The following MARK3 variants were observed in gnomAD, a reference collection of about 807,000 sequenced individuals.
MARK3 encodes microtubule affinity regulating kinase 3, also known as MAP/microtubule affinity-regulating kinase 3.
A neutral mutation model predicts 90.1 loss-of-function variants in MARK3; 46 were observed. The ratio of observed to expected loss-of-function variants is 0.51; its 90% CI spans 0.40 to 0.65. The LOEUF is 0.65. Ranked by LOEUF, MARK3 falls within the 30% of genes least tolerant of loss-of-function variation. MARK3 has a pLI of 0.00. For missense variants in MARK3, 818 were observed against 947.2 expected (o/e 0.86, Z 1.79); for synonymous variants, 321 against 332.6 (o/e 0.97, Z 0.38).
chr14:103,454,819 C>T (rs965848526), intron 5 of MARK3, among the ~76,000 whole-genome samples: 4 of 152,194 alleles, frequency 2.6e-5, no homozygotes, highest in Non-Finnish European at 5.9e-5. Flanking sequence ...GGGTCCATAG[C>T]TAGTTAGTTT....
intron 2 of MARK3, among the ~76,000 whole-genome samples, chr14:103,425,406 G>A (rs2092369362): frequency 6.6e-6 from 1 of 151,352 alleles, no homozygotes; most frequent in Admixed American, 6.6e-5. Flanking sequence ...GGGATTATAG[G>A]CATCCGCCAC....
At position 103,388,275 on chromosome 14, in the gene MARK3, A is replaced by G. The variant is rs555237056; in HGVS notation, c.51+2195A>G. Among the ~76,000 whole-genome samples, 39 of 152,358 alleles carry G rather than the reference A, an allele frequency of 2.6e-4. 1 individual carries two copies. The highest frequency in any genetic ancestry group is 9.4e-4 in the African/African-American group (39 of 41,592). On this transcript the variant is annotated intron_variant, in intron 1 of 17. Transcript: ENST00000429436. ...AATTTTTGACTTTTTTTAAAAATCA[A>G]GTTTATCACACATCGTTGCATTAAT...
chr14:103,412,402 G>A, intron 2 of MARK3: 1 of 594,008 alleles, frequency 1.7e-6, no homozygotes, highest in East Asian at 3.1e-5. Context: ...CTATGCCGAG[G>A]ATTCGTGGGA....
Position 103,450,783 on chromosome 14 carries a change from G to C in MARK3, c.347-1135G>C, listed in dbSNP as rs140009811. Among the ~76,000 whole-genome samples the C allele has an allele frequency of 2.7e-3, 412 of 151,818 alleles. 2 individuals carry two copies. Among genetic ancestry groups the C allele is most frequent in the African/African-American group, 9.5e-3 (394 of 41,388 alleles). On this transcript the variant is annotated intron_variant, in intron 4 of 17. Coordinates refer to ENST00000429436, the MANE Select transcript of MARK3 (RefSeq NM_001128918.3). ...AAACACTAGCATACCCCCCAGTTTT[G>C]GGTAAACTTAAAGTAAATATTAACA...
intron 12 of MARK3, among the ~76,000 whole-genome samples, chr14:103,473,194 AAG>A (rs942737924): frequency 3.9e-5 from 6 of 152,188 alleles, no homozygotes; most frequent in African/African-American, 1.2e-4. Flanking sequence ...AAGGGAGAGT[AAG>A]AGGGAAGTGG....
intron 4 of MARK3, among the ~76,000 whole-genome samples, chr14:103,451,409 G>A (rs1313080441): frequency 1.3e-5 from 2 of 151,968 alleles, no homozygotes; most frequent in Non-Finnish European, 2.9e-5. Flanking sequence ...TCCATCTTTG[G>A]CATCAGAAAA....
rs67737305 is a variant in MARK3, at chr14:103,389,528, C to CAAAAAAAAAAAAAAAAAAA, written c.51+3450_51+3468dup. On this transcript the variant is annotated intron_variant, in intron 1 of 17. Transcript: ENST00000429436. ...GAGTGACAGAGTAAGACTCTGTCTC[C>CAAAAAAAAAAAAAAAAAAA]AAAAAAAAAAAAAAAAAAAAGCAGA... Among the ~76,000 whole-genome samples, 7 of 49,852 alleles carry CAAAAAAAAAAAAAAAAAAA rather than the reference C, an allele frequency of 1.4e-4. 1 individual carries two copies. Among genetic ancestry groups the CAAAAAAAAAAAAAAAAAAA allele is most frequent in the East Asian group, 9.2e-4 (1 of 1,088 alleles). The allele number at this position is 49,852 out of a possible 152,430, so 32.7% of individuals were successfully genotyped here. A position where few individuals can be genotyped will look rare whatever the true frequency, so the allele number is the denominator to read the frequency against.
intron 15 of MARK3, among the ~76,000 whole-genome samples, chr14:103,496,800 GA>G (rs2075368141): frequency 6.6e-6 from 1 of 152,134 alleles, no homozygotes; most frequent in Non-Finnish European, 1.5e-5. Context: ...CACTTTGGGG[GA>G]AGGTGAGGCA....
chr14:103,502,612 C>T (rs941792742), intron 17 of MARK3, among the ~76,000 whole-genome samples: 3 of 152,208 alleles, frequency 2.0e-5, no homozygotes, highest in African/African-American at 4.8e-5. Flanking sequence ...TTCTGCTTAA[C>T]GAATTACTTC....
At chr14:103,402,963 A>C (rs2091051156) in intron 1 of MARK3, among the ~76,000 whole-genome samples, 3 of 152,132 alleles carry the variant, frequency 2.0e-5, no homozygotes. Flanking sequence ...TTCAGGTTAC[A>C]ATAGGCAGTT....
chr14:103,414,895 G>A (rs1276569777), intron 2 of MARK3, among the ~76,000 whole-genome samples: 1 of 152,082 alleles, frequency 6.6e-6, no homozygotes, highest in Admixed American at 6.6e-5. Flanking sequence ...CACTTTAGGA[G>A]GCCAAGGTGG....
chr14:103,424,654 G>A (rs1206126311), intron 2 of MARK3, among the ~76,000 whole-genome samples: 1 of 152,160 alleles, frequency 6.6e-6, no homozygotes, highest in African/African-American at 2.4e-5. Context: ...GAGAGAAGAA[G>A]AACTGGAAAG....
chr14:103,482,398 G>A (rs1285787501), intron 14 of MARK3, among the ~76,000 whole-genome samples: 1 of 152,024 alleles, frequency 6.6e-6, no homozygotes, highest in Non-Finnish European at 1.5e-5. Flanking sequence ...GCACGCGCCT[G>A]TAGTCCCAGC....
chr14:103,441,508 G>C (rs180983141), intron 3 of MARK3: 1 of 152,106 alleles, frequency 6.6e-6, no homozygotes, highest in Non-Finnish European at 1.5e-5. Context: ...GGATGGTCTC[G>C]ATCTCCTGAC....
intron 3 of MARK3, among the ~76,000 whole-genome samples, chr14:103,440,079 C>G (rs1566845864): frequency 6.6e-6 from 1 of 152,216 alleles, no homozygotes; most frequent in Admixed American, 6.5e-5. Flanking sequence ...ACCACCATGC[C>G]CAGCCGCTTT....
intron 2 of MARK3, among the ~76,000 whole-genome samples, chr14:103,414,315 C>G (rs1005995769): frequency 6.6e-6 from 1 of 152,058 alleles, no homozygotes; most frequent in Non-Finnish European, 1.5e-5. Context: ...AAGCGATTCC[C>G]CTGCCTCAGC....
At chr14:103,466,169 C>T (rs761922763) in intron 9 of MARK3, 78 bp downstream of exon 9, 5 of 1,528,564 alleles carry the variant, frequency 3.3e-6, no homozygotes, top group Non-Finnish European at 4.5e-6. Context: ...GATTTGTATG[C>T]CATACTGGAT....
intron 1 of MARK3, among the ~76,000 whole-genome samples, chr14:103,402,557 A>AAG (rs1566774931): frequency 6.6e-6 from 1 of 151,504 alleles, no homozygotes; most frequent in East Asian, 1.9e-4. Flanking sequence ...AAAAAAAAAA[A>AAG]GGATTTTTCT....
chr14:103,400,943 T>TCG (rs1555371024), intron 1 of MARK3, among the ~76,000 whole-genome samples: 26 of 123,572 alleles, frequency 2.1e-4, no homozygotes, highest in Non-Finnish European at 3.4e-4. Flanking sequence ...ATATAACATT[T>TCG]TGTGTGTGTG....
Sources: allele counts gnomAD v4.1 joint callset (sites outside exome capture counted in the v4.1 genomes callset), GRCh38; gene constraint gnomAD v4.1.1; transcripts MANE v1.5; gene names NCBI Gene and HGNC (gene_info 2026-07-23, HGNC 2026-07-21).